CNTNAP4: variants seen among roughly 807,000 people sequenced by gnomAD.
CNTNAP4 encodes the protein contactin-associated protein-like 4.
CNTNAP4 carries 98 observed loss-of-function variants against 148.4 expected under a neutral mutation model. That is an observed-to-expected ratio of 0.66 (90% confidence interval 0.56 to 0.78). The LOEUF (loss-of-function observed/expected upper bound fraction) is 0.78, where lower values mean the gene tolerates loss of function less well. Among genes scored for constraint, CNTNAP4 ranks in the 30% least tolerant of loss-of-function variants. The probability of loss-of-function intolerance (pLI) is 0.00; values close to 1 mark genes in which losing one functional copy is unlikely to be tolerated. For missense variants in CNTNAP4, 1,935 were observed against 1,565.6 expected (o/e 1.24, Z -3.98); for synonymous variants, 730 against 565.1 (o/e 1.29, Z -4.14).
At chr16:76,502,005 C>T (rs1304370601) in intron 15 of CNTNAP4, among the ~76,000 whole-genome samples, 4 of 151,058 alleles carry the variant, frequency 2.6e-5, no homozygotes, top group Admixed American at 6.6e-5. Context: ...GGAGGCGGAG[C>T]TTGCAGTGAG....
At chr16:76,492,617 G>A (rs1413917132) in intron 13 of CNTNAP4, among the ~76,000 whole-genome samples, 1 of 152,172 alleles carries the variant, frequency 6.6e-6, no homozygotes, top group African/African-American at 2.4e-5. Context: ...GGGCCAGATG[G>A]AGATAATTGA....
chr16:76,494,946 A>G lies in CNTNAP4; in HGVS notation c.2117A>G (p.Asn706Ser), dbSNP rs766303084. 1 of 1,613,604 alleles carries G rather than the reference A, an allele frequency of 6.2e-7. No homozygotes were observed. Among genetic ancestry groups the G allele is most frequent in the South Asian group, 1.1e-5 (1 of 91,062 alleles). The change falls in exon 14 of 24, where the codon AAT becomes AGT. Residue 706 changes from asparagine to serine, a missense_variant. Asn to Ser is a conservative substitution (Grantham distance 46). Transcript: ENST00000611870. ...TPLSWWVGRTNETQTYWGGSS... is the reference protein window; with the variant it reads ...TPLSWWVGRTSETQTYWGGSS... The stretch of plus-strand genomic sequence containing the variant: ...CTGAGTTGGTGGGTAGGAAGAACCA[A>G]TGAAACGCAAACCTACTGGGGAGGT...
At chr16:76,402,403 A>G (rs375254773) in intron 3 of CNTNAP4, among the ~76,000 whole-genome samples, 1 of 150,128 alleles carries the variant, frequency 6.7e-6, no homozygotes, top group Non-Finnish European at 1.5e-5. Flanking sequence ...CTCCTTTGTC[A>G]CTTCTAATTG....
At chr16:76,500,094 C>A (rs570937153) in intron 15 of CNTNAP4, among the ~76,000 whole-genome samples, 1 of 152,104 alleles carries the variant, frequency 6.6e-6, no homozygotes, top group East Asian at 1.9e-4. Flanking sequence ...GACGGGGTGG[C>A]GGCGGGGCAG....
intron 2 of CNTNAP4, among the ~76,000 whole-genome samples, chr16:76,327,600 T>G (rs922313269): frequency 6.6e-6 from 1 of 152,180 alleles, no homozygotes; most frequent in Non-Finnish European, 1.5e-5. Context: ...TCCACAGGTG[T>G]GATAGGGTCT....
Position 76,475,176 on chromosome 16 carries a change from C to CA in CNTNAP4, c.1656-752dup, listed in dbSNP as rs35622245. Among the ~76,000 whole-genome samples the CA allele has an allele frequency of 6.1e-3, 884 of 144,256 alleles. 4 individuals carry two copies. Among genetic ancestry groups the CA allele is most frequent in the African/African-American group, 0.011 (455 of 40,180 alleles). 94.6% of individuals were successfully genotyped at this position (144,256 alleles called of 152,430 possible). ...GGGGCAACAGAGTGAGCAGCTGTCT[C>CA]AAAAAAAAAAATGAGACTCCAGTAG... On this transcript the variant is annotated intron_variant, in intron 10 of 23. Transcript: ENST00000611870.
intron 21 of CNTNAP4, among the ~76,000 whole-genome samples, chr16:76,543,660 G>A (rs1397920715): frequency 6.6e-6 from 1 of 152,190 alleles, no homozygotes; most frequent in African/African-American, 2.4e-5. Context: ...TGTTCAGGGA[G>A]CCATTGAGTT....
At chr16:76,283,939 C>T (rs1307339622) in intron 1 of CNTNAP4, among the ~76,000 whole-genome samples, 1 of 151,972 alleles carries the variant, frequency 6.6e-6, no homozygotes, top group Non-Finnish European at 1.5e-5. Context: ...AAGAAAAATG[C>T]ATCCAACATT....
At chr16:76,385,937 G>C (rs2016474345) in intron 3 of CNTNAP4, among the ~76,000 whole-genome samples, 1 of 146,768 alleles carries the variant, frequency 6.8e-6, no homozygotes, top group Non-Finnish European at 1.5e-5. Flanking sequence ...ATTTTAAACA[G>C]GGAAATCACC....
intron 17 of CNTNAP4, among the ~76,000 whole-genome samples, chr16:76,526,787 C>T (rs7188191): frequency 0.35 from 53,516 of 151,906 alleles, 9,540 homozygotes; most frequent in East Asian, 0.42. Context: ...GATTCTCCCA[C>T]CTCAGCCTCC....
At chr16:76,502,873 T>C (rs192261249) in intron 15 of CNTNAP4, among the ~76,000 whole-genome samples, 45 of 152,126 alleles carry the variant, frequency 3.0e-4, no homozygotes, top group African/African-American at 1.0e-3. Context: ...ACGAGAGATA[T>C]TGAAAAATGT....
intron 2 of CNTNAP4, among the ~76,000 whole-genome samples, chr16:76,321,599 C>G (rs1007948274): frequency 6.6e-6 from 1 of 151,682 alleles, no homozygotes; most frequent in African/African-American, 2.4e-5. Flanking sequence ...ACCATCCTGG[C>G]TAACATGGTG....
At chr16:76,316,838 A>G (rs1477148033) in intron 2 of CNTNAP4, among the ~76,000 whole-genome samples, 1 of 152,218 alleles carries the variant, frequency 6.6e-6, no homozygotes, top group African/African-American at 2.4e-5. Flanking sequence ...TTCAGTTTCA[A>G]GTTAAAGAAG....
At chr16:76,347,684 G>C (rs557235161) in intron 2 of CNTNAP4, among the ~76,000 whole-genome samples, 10 of 152,278 alleles carry the variant, frequency 6.6e-5, no homozygotes, top group African/African-American at 2.4e-4. Context: ...GAGTATCTCA[G>C]AGAAGAGCAT....
chr16:76,459,820 C>CCTCTG (rs3035878), intron 8 of CNTNAP4, among the ~76,000 whole-genome samples: 1,810 of 152,228 alleles, frequency 0.012, 25 homozygotes, highest in Non-Finnish European at 0.019. Context: ...TTAGATTTCA[C>CCTCTG]CTCTGCTCAA....
intron 9 of CNTNAP4, among the ~76,000 whole-genome samples, chr16:76,463,296 A>G (rs749752540): frequency 6.6e-6 from 1 of 152,226 alleles, no homozygotes; most frequent in East Asian, 1.9e-4. Context: ...ATAAATAGGC[A>G]TATTGTTAAA....
intron 14 of CNTNAP4, among the ~76,000 whole-genome samples, chr16:76,495,453 T>G (rs1360114373): frequency 6.6e-6 from 1 of 152,084 alleles, no homozygotes; most frequent in Non-Finnish European, 1.5e-5. Flanking sequence ...AACTTAGAAT[T>G]TACTACAATT....
At chr16:76,517,067 A>C (rs1434305991) in intron 15 of CNTNAP4, among the ~76,000 whole-genome samples, 1 of 152,242 alleles carries the variant, frequency 6.6e-6, no homozygotes, top group Non-Finnish European at 1.5e-5. Flanking sequence ...TCAAAAACAA[A>C]AATGAGTAAT....
intron 15 of CNTNAP4, 92 bp from the exon 16 acceptor site, chr16:76,521,048 G>T: frequency 8.2e-7 from 1 of 1,215,086 alleles, no homozygotes; most frequent in Non-Finnish European, 1.2e-6. Flanking sequence ...TAGCAAAAGT[G>T]CTAAAAATAG....
Sources: gnomAD v4.1 joint callset for allele counts (sites outside exome capture counted in the v4.1 genomes callset) on GRCh38, gnomAD v4.1.1 for gene constraint, MANE v1.5 for transcripts, NCBI Gene and HGNC (gene_info 2026-07-23, HGNC 2026-07-21) for gene names.